Variants in FMN1 observed in about 807,000 individuals in gnomAD.
FMN1 encodes formin-1.
FMN1 carries 110 observed loss-of-function variants against 132.4 expected under a neutral mutation model. That is an observed-to-expected ratio of 0.83 (90% confidence interval 0.71 to 0.97). The LOEUF is 0.97. Among genes scored for constraint, FMN1 ranks in the 50% least tolerant of loss-of-function variants. FMN1 has a pLI of 0.00. For synonymous variants in FMN1, 722 were observed against 651.7 expected, an observed-to-expected ratio of 1.11 and a Z score of -1.64; for missense variants, 1,792 against 1,705.3, an observed-to-expected ratio of 1.05 and a Z score of -0.90.
chr15:33,031,199 A>G (rs183981753), intron 6 of FMN1, among the ~76,000 whole-genome samples: 1 of 152,302 alleles, frequency 6.6e-6, no homozygotes, highest in Non-Finnish European at 1.5e-5. Flanking sequence ...CTAACTCCAG[A>G]ATCTATATAC....
chr15:32,889,678 C>G (rs988221752), intron 15 of FMN1, among the ~76,000 whole-genome samples: 1 of 152,090 alleles, frequency 6.6e-6, no homozygotes, highest in South Asian at 2.1e-4. Flanking sequence ...AACAAACGTC[C>G]TTCCTTAAAG....
chr15:33,121,213 T>TG (rs1429616810), intron 4 of FMN1, among the ~76,000 whole-genome samples: 3 of 152,236 alleles, frequency 2.0e-5, no homozygotes, highest in African/African-American at 7.2e-5. Flanking sequence ...AATAGAGCAG[T>TG]GGGTCCTGTG....
chr15:32,855,786 T>C (rs922136166), intron 17 of FMN1, among the ~76,000 whole-genome samples: 2 of 152,250 alleles, frequency 1.3e-5, no homozygotes, highest in South Asian at 2.1e-4. Context: ...AAGTAGTTCA[T>C]GGTTTTCTTC....
chr15:33,179,874 T>C (rs1965636177), intron 3 of FMN1, among the ~76,000 whole-genome samples: 1 of 152,196 alleles, frequency 6.6e-6, no homozygotes, highest in Admixed American at 6.5e-5. Flanking sequence ...TTGCTTCTTT[T>C]TGATTGATTG....
intron 12 of FMN1, among the ~76,000 whole-genome samples, chr15:32,904,655 G>A (rs2060377646): frequency 6.6e-6 from 1 of 152,190 alleles, no homozygotes; most frequent in African/African-American, 2.4e-5. Context: ...GGATGACTTT[G>A]CAGTTTTGGC....
chr15:32,914,214 A>C (rs567671532), intron 10 of FMN1, among the ~76,000 whole-genome samples: 9 of 152,336 alleles, frequency 5.9e-5, no homozygotes, highest in African/African-American at 2.2e-4. Context: ...CTTAGGAAAA[A>C]TGTTGAGTAA....
chr15:32,777,727 T>C (rs116636117), intron 19 of FMN1, among the ~76,000 whole-genome samples: 12,825 of 98,418 alleles, frequency 0.13, 2,175 homozygotes, highest in Middle Eastern at 0.26. Flanking sequence ...TTACGTATAA[T>C]ATATAATACA....
chr15:33,112,977 C>T (rs1445851191), intron 4 of FMN1, among the ~76,000 whole-genome samples: 1 of 152,196 alleles, frequency 6.6e-6, no homozygotes, highest in African/African-American at 2.4e-5. Context: ...AGAACCTTCG[C>T]TGTTAGGTGC....
intron 19 of FMN1, among the ~76,000 whole-genome samples, chr15:32,783,276 T>C (rs1241281696): frequency 6.6e-6 from 1 of 152,240 alleles, no homozygotes; most frequent in East Asian, 1.9e-4. Context: ...AGTAAAATTT[T>C]TGAAAACTTT....
At position 33,089,471 on chromosome 15, in the gene FMN1, G is replaced by A. The variant is rs566854521; in HGVS notation, c.1868-497C>T. Among the ~76,000 whole-genome samples the A allele has an allele frequency of 6.6e-5, 10 of 152,340 alleles. No homozygotes were observed. In the South Asian group the frequency reaches 1.9e-3, roughly 28 times the overall value. ...TTTGTTGAACGAGTGAGTAGTGCAT[G>A]AGAAACCCATTTTGGATTCGCTTTT... On this transcript the variant is annotated intron_variant, in intron 4 of 20. Transcript: ENST00000616417.
At chr15:32,796,641 T>C (rs1344597925) in intron 19 of FMN1, among the ~76,000 whole-genome samples, 1 of 152,232 alleles carries the variant, frequency 6.6e-6, no homozygotes, top group Non-Finnish European at 1.5e-5. Context: ...TTAATTTGCT[T>C]ATTTTACCAT....
In FMN1 at chr15:33,153,609, C is replaced by G; in HGVS notation, c.1306G>C (p.Gly436Arg). The G allele has an allele frequency of 1.3e-6, 2 of 1,536,198 alleles. No individual in the cohort carries two copies. The highest frequency in any genetic ancestry group is 2.4e-5 in the East Asian group (1 of 40,898). The change falls in exon 4 of 21, where the codon GGG (glycine) becomes CGG (arginine). Residue 436 changes from glycine to arginine, a missense_variant. This residue lies in a region of FMN1 where 638 missense variants were observed against 645.2 expected (regional missense o/e 0.99). Transcript: ENST00000616417. Reference sequence around the variant, plus strand: ...TGGACAGGGAAGCCCAGTCTTTTCCCCTCAGGGGCTTCATCTAACTTCTCA... The same window carrying G: ...TGGACAGGGAAGCCCAGTCTTTTCCGCTCAGGGGCTTCATCTAACTTCTCA... ...ESEKLDEAPEGKRLGFPVHTS... is the reference protein window; with the variant it reads ...ESEKLDEAPERKRLGFPVHTS...
At chr15:32,885,528 C>G (rs189530764) in intron 16 of FMN1, among the ~76,000 whole-genome samples, 1 of 152,172 alleles carries the variant, frequency 6.6e-6, no homozygotes, top group East Asian at 1.9e-4. Context: ...CTTCAGCTTT[C>G]TTATCTTGTG....
intron 7 of FMN1, among the ~76,000 whole-genome samples, chr15:32,995,654 G>A (rs903168280): frequency 2.6e-5 from 4 of 152,178 alleles, no homozygotes; most frequent in African/African-American, 4.8e-5. Flanking sequence ...TATTTGACAC[G>A]TGCTCAATTG....
At position 32,944,939 on chromosome 15, in the gene FMN1, C is replaced by G. The variant is rs562169156; in HGVS notation, c.3139-18678G>C. Among the ~76,000 whole-genome samples, 7 of 152,268 alleles carry G rather than the reference C, an allele frequency of 4.6e-5. No individual in the cohort carries two copies. In the East Asian group the frequency reaches 1.4e-3, roughly 29 times the overall value. ...CATCAGTGCATTCACTGCCTTCAGA[C>G]AGAACCAGAGCTACCAAAGCTTGGC... On this transcript the variant is annotated intron_variant, in intron 9 of 20. Coordinates refer to ENST00000616417, the MANE Select transcript of FMN1 (RefSeq NM_001277313.2).
intron 7 of FMN1, among the ~76,000 whole-genome samples, chr15:33,006,863 T>C (rs533609070): frequency 2.2e-4 from 34 of 152,000 alleles, no homozygotes; most frequent in Non-Finnish European, 4.4e-4. Flanking sequence ...GGGAGTAGAA[T>C]GGTGGTTACC....
intron 19 of FMN1, among the ~76,000 whole-genome samples, chr15:32,783,026 A>G (rs556863919): frequency 6.6e-6 from 1 of 152,292 alleles, no homozygotes; most frequent in South Asian, 2.1e-4. Context: ...GAGGGTCAAC[A>G]AATAATCTAC....
At chr15:33,014,389 T>C (rs2140977471) in intron 6 of FMN1, among the ~76,000 whole-genome samples, 1 of 152,292 alleles carries the variant, frequency 6.6e-6, no homozygotes, top group South Asian at 2.1e-4. Flanking sequence ...AACTTGACCC[T>C]AGCATTGGTA....
intron 3 of FMN1, among the ~76,000 whole-genome samples, chr15:33,155,647 A>C (rs1290831555): frequency 1.3e-5 from 2 of 152,150 alleles, no homozygotes; most frequent in Non-Finnish European, 2.9e-5. Context: ...AGTCTTAATC[A>C]AGTTTTGCTG....
Sources: gnomAD v4.1 joint callset for allele counts (sites outside exome capture counted in the v4.1 genomes callset) on GRCh38, gnomAD v4.1.1 for gene constraint, gnomAD v4.1.1 regional missense constraint, MANE v1.5 for transcripts, NCBI Gene and HGNC (gene_info 2026-07-23, HGNC 2026-07-21) for gene names.